Variants in UBE2S observed in about 807,000 individuals in gnomAD.
The protein encoded by UBE2S is ubiquitin conjugating enzyme E2 S, also known as ubiquitin-conjugating enzyme E2 S.
Under a neutral mutation model 12.3 loss-of-function variants are expected in UBE2S, and 3 were observed. The observed-to-expected ratio is 0.24, with a 90% CI of 0.11 to 0.63. UBE2S has a LOEUF of 0.63. Among genes scored for constraint, UBE2S ranks in the 30% least tolerant of loss-of-function variants. The probability of loss-of-function intolerance (pLI) is 0.85; values close to 1 mark genes in which losing one functional copy is unlikely to be tolerated. For missense variants in UBE2S, 211 were observed against 313.9 expected (o/e 0.67, Z 2.48); for synonymous variants, 133 against 142.0 (o/e 0.94, Z 0.45).
intron 3 of UBE2S, chr19:55,403,366 G>A (rs1244005668): frequency 4.7e-6 from 2 of 425,402 alleles, no homozygotes; most frequent in South Asian, 4.0e-5. Context: ...GTGCATGCGT[G>A]TAATACCAGC....
rs2090056564 is a variant in UBE2S at position 55,401,400 on chromosome 19, A to T, written c.*36T>A. ...CAGAGTTGGAGGGAGGGGACAGGAG[A>T]GGTTGGGGTCACGGTGGAAGGAGGA... On this transcript the variant is annotated 3_prime_UTR_variant, in exon 4 of 4. Coordinates refer to ENST00000264552, the MANE Select transcript of UBE2S (RefSeq NM_014501.3). 2 of 1,419,900 alleles carry T rather than the reference A, an allele frequency of 1.4e-6. No individual in the cohort carries two copies. The highest frequency in any genetic ancestry group is 1.9e-5 in the Admixed American group (1 of 52,640). 88.0% of individuals were successfully genotyped at this position (1,419,900 alleles called of 1,614,324 possible).
At chr19:55,403,240 A>C in intron 3 of UBE2S, 1 of 603,478 alleles carries the variant, frequency 1.7e-6, no homozygotes, top group Admixed American at 2.8e-5. Flanking sequence ...AAACCACTGA[A>C]CTGTATACTT....
intron 1 of UBE2S, among the ~76,000 whole-genome samples, chr19:55,407,330 G>A (rs2090103154): frequency 6.6e-6 from 1 of 152,120 alleles, no homozygotes; most frequent in Non-Finnish European, 1.5e-5. Context: ...GTCTGGAGAT[G>A]GCGGCGGGGC....
At position 55,404,871 on chromosome 19, in the gene UBE2S, G is replaced by A. The variant is rs1018085055; in HGVS notation, c.152-393C>T. ...GTTCACCTCAGCCTCCCAAAGTGCTGGGATTACAGGCGTGAACCACCATGC... is the reference window on the plus strand; with the variant it reads ...GTTCACCTCAGCCTCCCAAAGTGCTAGGATTACAGGCGTGAACCACCATGC... On this transcript the variant is annotated intron_variant, in intron 2 of 3. Coordinates refer to ENST00000264552, the MANE Select transcript of UBE2S (RefSeq NM_014501.3). The surrounding 1 kb of genome is among the most constrained non-coding windows in gnomAD (Gnocchi z 4.4). Among the ~76,000 whole-genome samples, 1 of 152,012 alleles carries A rather than the reference G, an allele frequency of 6.6e-6. No homozygotes were observed. The highest frequency in any genetic ancestry group is 1.5e-5 in the Non-Finnish European group (1 of 68,000).
chr19:55,406,684 C>G, intron 2 of UBE2S, 131 bp downstream of exon 2: 2 of 1,166,742 alleles, frequency 1.7e-6, no homozygotes, highest in Non-Finnish European at 2.4e-6. Context: ...GGCGTCCTGC[C>G]CTGTCCACCA....
intron 3 of UBE2S, chr19:55,402,927 CTTT>C (rs112400318): frequency 8.7e-7 from 1 of 1,151,020 alleles, no homozygotes; most frequent in Non-Finnish European, 1.2e-6. Flanking sequence ...ATTTGGTTAA[CTTT>C]TTTTTTTTTC....
chr19:55,400,113 C>A lies in UBE2S; in HGVS notation c.*1323G>T, dbSNP rs1022503461. On this transcript the variant is annotated 3_prime_UTR_variant, in exon 4 of 4. Coordinates refer to ENST00000264552, the MANE Select transcript of UBE2S (RefSeq NM_014501.3). ...ACCTCAGCTGTTTTATTAGAATAGG[C>A]AAATTCTTTCAGGACAAAAGCAGCC... The A allele has an allele frequency of 2.6e-5, 4 of 152,186 alleles. No homozygotes were observed. Among genetic ancestry groups the A allele is most frequent in the African/African-American group, 9.7e-5 (4 of 41,432 alleles). The allele number at this position is 152,186 out of a possible 1,614,324, so 9.4% of individuals were successfully genotyped here.
intron 3 of UBE2S, chr19:55,402,870 C>A: frequency 1.5e-6 from 2 of 1,320,112 alleles, no homozygotes; most frequent in Non-Finnish European, 2.0e-6. Context: ...GGCAGGAAAC[C>A]CCAATTCCCC....
intron 2 of UBE2S, among the ~76,000 whole-genome samples, chr19:55,405,772 T>C (rs930756124): frequency 6.6e-6 from 1 of 152,176 alleles, no homozygotes; most frequent in Non-Finnish European, 1.5e-5. Flanking sequence ...TGTCTGTTAA[T>C]TCCACAGCCT....
At position 55,404,229 on chromosome 19, in the gene UBE2S, G is replaced by GAC. The variant is rs1490524940; in HGVS notation, c.342+57_342+58dup. 1 of 1,599,650 alleles carries GAC rather than the reference G, an allele frequency of 6.3e-7. No homozygotes were observed. Among genetic ancestry groups the GAC allele is most frequent in the African/African-American group, 1.4e-5 (1 of 72,008 alleles). ...AAACTAAACAAAGCGCTATGGCTCA[G>GAC]ACACCAGCAGACCTCCAGAGGCAGG... On this transcript the variant is annotated intron_variant, in intron 3 of 3. Coordinates refer to ENST00000264552, the MANE Select transcript of UBE2S (RefSeq NM_014501.3). This position sits in a 1 kb window ranked among gnomAD's most constrained non-coding sequence, Gnocchi z 4.4.
rs535466879 is a variant in UBE2S, at chr19:55,405,970, A to T, written c.151+845T>A. ...CTGCCAGGCCGGCTCTCCTCACTACAGTCAATAGGAACTTTGGAGGGATTT... is the reference window on the plus strand; with the variant it reads ...CTGCCAGGCCGGCTCTCCTCACTACTGTCAATAGGAACTTTGGAGGGATTT... On this transcript the variant is annotated intron_variant, in intron 2 of 3. Transcript: ENST00000264552. Among the ~76,000 whole-genome samples the T allele has an allele frequency of 4.6e-5, 7 of 152,244 alleles. 1 individual carries two copies. The South Asian group carries it at 1.4e-3, about 32-fold the overall frequency.
At chr19:55,405,007 T>G (rs2090087612) in intron 2 of UBE2S, among the ~76,000 whole-genome samples, 1 of 149,468 alleles carries the variant, frequency 6.7e-6, no homozygotes, top group South Asian at 2.1e-4. Flanking sequence ...GGTCAGGAGT[T>G]CAAGACCAGC....
rs1430038938 is a variant in UBE2S at position 55,404,648 on chromosome 19, G to T, written c.152-170C>A. The stretch of plus-strand genomic sequence containing the variant: ...CTTTTTTTGAAATAAGGTCTCTTGT[G>T]TCACCCAGGCTGGAGTGCAGTGGCA... On this transcript the variant is annotated intron_variant, in intron 2 of 3. Transcript: ENST00000264552. This position sits in a 1 kb window ranked among gnomAD's most constrained non-coding sequence, Gnocchi z 4.4. 6.6e-6 allele frequency among the ~76,000 whole-genome samples: 1 copy of T among 152,140 alleles called. No individual in the cohort carries two copies. Among genetic ancestry groups the T allele is most frequent in the Non-Finnish European group, 1.5e-5 (1 of 68,028 alleles).
rs930535276 is a variant in UBE2S, at chr19:55,401,820, C to G, written c.343-58G>C. 3 of 1,591,564 alleles carry G rather than the reference C, an allele frequency of 1.9e-6. No individual in the cohort carries two copies. In the African/African-American group the frequency reaches 4.0e-5, roughly 21 times the overall value. ...GGGCAACCTACAGGGACCCCCAGGCCTCCACAAGAGGGTGGCCTCCGCACT... is the reference window on the plus strand; with the variant it reads ...GGGCAACCTACAGGGACCCCCAGGCGTCCACAAGAGGGTGGCCTCCGCACT... On this transcript the variant is annotated intron_variant, in intron 3 of 3. Coordinates refer to ENST00000264552, the MANE Select transcript of UBE2S (RefSeq NM_014501.3).
rs959643613 is a variant in UBE2S, at chr19:55,404,207, C to T, written c.342+81G>A. ...CCACTTCAGAGTTGATTCAGAAAAACTAAACAAAGCGCTATGGCTCAGACA... is the reference window on the plus strand; with the variant it reads ...CCACTTCAGAGTTGATTCAGAAAAATTAAACAAAGCGCTATGGCTCAGACA... On this transcript the variant is annotated intron_variant, in intron 3 of 3. Transcript: ENST00000264552. The surrounding 1 kb of genome is among the most constrained non-coding windows in gnomAD (Gnocchi z 4.4). 10 of 1,564,914 alleles carry T rather than the reference C, an allele frequency of 6.4e-6. No individual in the cohort carries two copies. In the African/African-American group the frequency reaches 1.4e-4, roughly 21 times the overall value.
At position 55,404,205 on chromosome 19, in the gene UBE2S, A is replaced by C. The variant is rs2090081782; in HGVS notation, c.342+83T>G. 3.2e-6 allele frequency: 5 copies of C among 1,559,372 alleles called. No individual in the cohort carries two copies. The African/African-American group carries it at 4.1e-5, about 13-fold the overall frequency. On this transcript the variant is annotated intron_variant, in intron 3 of 3. Coordinates refer to ENST00000264552, the MANE Select transcript of UBE2S (RefSeq NM_014501.3). The surrounding 1 kb of genome is among the most constrained non-coding windows in gnomAD (Gnocchi z 4.4). The stretch of plus-strand genomic sequence containing the variant: ...AACCACTTCAGAGTTGATTCAGAAA[A>C]ACTAAACAAAGCGCTATGGCTCAGA...
intron 3 of UBE2S, among the ~76,000 whole-genome samples, chr19:55,402,246 T>G (rs2090065249): frequency 6.6e-6 from 1 of 152,204 alleles, no homozygotes; most frequent in Non-Finnish European, 1.5e-5. Flanking sequence ...ACCTGCGTGT[T>G]GGACTCTAAA....
chr19:55,403,829 C>A, intron 3 of UBE2S: 1 of 163,542 alleles, frequency 6.1e-6, no homozygotes, highest in South Asian at 1.4e-4. Flanking sequence ...CAACCTCTGC[C>A]TCCCAGGCTC....
Position 55,401,244 on chromosome 19 carries a change from C to T in UBE2S, c.*192G>A. 2.9e-6 allele frequency: 2 copies of T among 683,996 alleles called. No homozygotes were observed. Among genetic ancestry groups the T allele is most frequent in the South Asian group, 1.9e-5 (1 of 51,468 alleles). 42.4% of individuals were successfully genotyped at this position (683,996 alleles called of 1,614,324 possible). On this transcript the variant is annotated 3_prime_UTR_variant, in exon 4 of 4. Coordinates refer to ENST00000264552, the MANE Select transcript of UBE2S (RefSeq NM_014501.3). ...GCCAAACTCCCAGAGCCACATGGCA[C>T]CATGCAGCGGTCCTGGGGCATCTGT...
Sources: gnomAD v4.1 joint callset for allele counts (sites outside exome capture counted in the v4.1 genomes callset) on GRCh38, gnomAD v4.1.1 for gene constraint, Gnocchi (gnomAD v3.1) non-coding constraint, MANE v1.5 for transcripts, NCBI Gene and HGNC (gene_info 2026-07-23, HGNC 2026-07-21) for gene names.